The following LHFPL1 variants were observed in gnomAD, a reference collection of about 807,000 sequenced individuals.
LHFPL1 encodes LHFPL tetraspan subfamily member 1.
Under a neutral mutation model 12.1 loss-of-function variants are expected in LHFPL1, and 4 were observed. The ratio of observed to expected loss-of-function variants is 0.33; its 90% CI spans 0.16 to 0.76. LHFPL1 has a LOEUF of 0.76. LHFPL1 is among the 30% of genes least tolerant of loss of function. The probability of loss-of-function intolerance (pLI) is 0.61; values close to 1 mark genes in which losing one functional copy is unlikely to be tolerated. For synonymous variants in LHFPL1, 52 were observed against 61.9 expected (o/e 0.84, Z 0.75); for missense variants, 141 against 174.1 (o/e 0.81, Z 1.07).
At chrX:112,641,644 C>A (rs1930512017) in intron 3 of LHFPL1, among the ~76,000 whole-genome samples, 1 of 112,295 alleles carries the variant, frequency 8.9e-6, no homozygotes, top group Non-Finnish European at 1.9e-5. Context: ...CACTTAGCAC[C>A]ATGCCTAGAA....
intron 1 of LHFPL1, among the ~76,000 whole-genome samples, chrX:112,679,442 A>T (rs1256177260): frequency 1.8e-5 from 2 of 111,685 alleles, no homozygotes; most frequent in Non-Finnish European, 3.8e-5. Flanking sequence ...AACCTACCAC[A>T]TTAGCAAACC....
At chrX:112,669,191 T>C (rs1037849230) in intron 2 of LHFPL1, among the ~76,000 whole-genome samples, 8 of 112,902 alleles carry the variant, frequency 7.1e-5, no homozygotes, top group Admixed American at 6.5e-4. Context: ...GCTCCAGGGC[T>C]ATAAATATGA....
intron 3 of LHFPL1, among the ~76,000 whole-genome samples, chrX:112,659,286 CCT>C (rs1481515512): frequency 9.0e-6 from 1 of 111,095 alleles, no homozygotes; most frequent in Non-Finnish European, 1.9e-5. Flanking sequence ...TCCTCCACAC[CCT>C]GTCTCTACTA....
intron 3 of LHFPL1, among the ~76,000 whole-genome samples, chrX:112,645,275 G>A (rs1930653148): frequency 8.9e-6 from 1 of 112,196 alleles, no homozygotes; most frequent in African/African-American, 3.2e-5. Flanking sequence ...ACTTGTAAAT[G>A]GTAAGGCTCA....
intron 2 of LHFPL1, among the ~76,000 whole-genome samples, chrX:112,666,143 T>C (rs1422076899): frequency 8.9e-6 from 1 of 111,930 alleles, no homozygotes; most frequent in African/African-American, 3.3e-5. Context: ...CAAACATAAT[T>C]ATTGGGTAGC....
chrX:112,637,440 A>G (rs1219232292), intron 3 of LHFPL1, among the ~76,000 whole-genome samples: 1 of 111,459 alleles, frequency 9.0e-6, no homozygotes, highest in Non-Finnish European at 1.9e-5. Flanking sequence ...CCCCAAACCA[A>G]TGCTTGTGGT....
intron 2 of LHFPL1, 135 bp from the exon 3 acceptor site, chrX:112,660,860 T>C (rs1436511910): frequency 6.5e-6 from 3 of 462,287 alleles, no homozygotes; most frequent in Non-Finnish European, 1.1e-5. Context: ...TAAATTTCTA[T>C]GAGAGTACCA....
chrX:112,632,369 G>C (rs943221055), intron 3 of LHFPL1, among the ~76,000 whole-genome samples: 9 of 111,861 alleles, frequency 8.0e-5, no homozygotes, highest in African/African-American at 2.6e-4. Context: ...TCAGAGACAG[G>C]TTCCTTTGTC....
intron 3 of LHFPL1, among the ~76,000 whole-genome samples, chrX:112,633,028 C>A (rs1203907425): frequency 1.8e-5 from 2 of 112,219 alleles, no homozygotes; most frequent in Non-Finnish European, 3.8e-5. Flanking sequence ...AACCAGGTAG[C>A]CCTCCCGGAA....
intron 2 of LHFPL1, among the ~76,000 whole-genome samples, chrX:112,662,677 C>T (rs1266804178): frequency 8.9e-6 from 1 of 112,159 alleles, no homozygotes; most frequent in African/African-American, 3.2e-5. Context: ...TTATCTGTCT[C>T]GTGGTATCAC....
chrX:112,648,543 CATTTT>C (rs1930762872), intron 3 of LHFPL1: 1 of 110,988 alleles, frequency 9.0e-6, no homozygotes, highest in South Asian at 3.8e-4. Context: ...GTTTGCTGAT[CATTTT>C]ATTTTAATTA....
In LHFPL1 at chrX:112,671,083, A is replaced by G. The variant is rs1436760854; in HGVS notation, c.308T>C (p.Val103Ala). 1 of 1,212,005 alleles carries G rather than the reference A, an allele frequency of 8.3e-7. No homozygotes were observed. The highest frequency in any genetic ancestry group is 2.2e-5 in the Admixed American group (1 of 46,115). ...GAGCTCCTCCATGCAGCAACCCAGG[A>G]CAGCAGCTAGTGCCACCAGGAGCAG... ...ALLLLVALAA[V>A]LGCCMEELIS... is the part of the protein sequence containing the mutation. The change falls in exon 2 of 4, where the codon GTC (valine) becomes GCC (alanine). Residue 103 changes from valine to alanine, a missense_variant. By Grantham distance (64) the Val-to-Ala change is moderately conservative (BLOSUM62 0). Transcript: ENST00000371968.
chrX:112,673,257 T>C (rs1931561379), intron 1 of LHFPL1, among the ~76,000 whole-genome samples: 2 of 111,926 alleles, frequency 1.8e-5, no homozygotes, highest in African/African-American at 6.5e-5. Context: ...AGGTGCTTAC[T>C]CTGGAATGTT....
rs1200066987 is a variant in LHFPL1 at position 112,676,479 on chromosome X, G to C, written c.-15+3350C>G. Among the ~76,000 whole-genome samples, 4 of 111,868 alleles carry C rather than the reference G, an allele frequency of 3.6e-5. No homozygotes were observed. In the East Asian group the frequency reaches 1.1e-3, roughly 32 times the overall value. ...CCTCAGGTTTTTAAATCTGCTAGAT[G>C]GGCCGCAAGCCTGTTTCCGAGATTG... On this transcript the variant is annotated intron_variant, in intron 1 of 3. Transcript: ENST00000371968.
intron 3 of LHFPL1, among the ~76,000 whole-genome samples, chrX:112,633,299 G>T (rs994366399): frequency 9.0e-6 from 1 of 111,728 alleles, no homozygotes; most frequent in African/African-American, 3.3e-5. Flanking sequence ...TAAAACTATG[G>T]CTTAAATTTT....
chrX:112,656,710 A>G (rs1449490749), intron 3 of LHFPL1, among the ~76,000 whole-genome samples: 3 of 112,661 alleles, frequency 2.7e-5, no homozygotes, highest in Non-Finnish European at 5.6e-5. Flanking sequence ...ATTTGTACAT[A>G]TACTCCTCAA....
At chrX:112,647,627 C>T (rs1182224665) in intron 3 of LHFPL1, among the ~76,000 whole-genome samples, 1 of 111,893 alleles carries the variant, frequency 8.9e-6, no homozygotes, top group Admixed American at 9.4e-5. Context: ...AATGAGATAC[C>T]ATCTCACACC....
At chrX:112,659,074 G>A in intron 3 of LHFPL1, among the ~76,000 whole-genome samples, 1 of 111,763 alleles carries the variant, frequency 8.9e-6, no homozygotes, top group Middle Eastern at 4.7e-3. Flanking sequence ...TCCAAAATAG[G>A]TAAATCCATA....
At chrX:112,634,106 T>C (rs1039986830) in intron 3 of LHFPL1, among the ~76,000 whole-genome samples, 2 of 111,759 alleles carry the variant, frequency 1.8e-5, no homozygotes, top group Non-Finnish European at 3.8e-5. Context: ...GCAGACTTTA[T>C]TGCACCTACT....
Sources: gnomAD v4.1 joint callset for allele counts (sites outside exome capture counted in the v4.1 genomes callset) on GRCh38, gnomAD v4.1.1 for gene constraint, MANE v1.5 for transcripts, NCBI Gene and HGNC (gene_info 2026-07-23, HGNC 2026-07-21) for gene names.